PACS2: variants seen among roughly 807,000 people sequenced by gnomAD.
The protein encoded by PACS2 is PACS1-like protein.
In PACS2, 36 loss-of-function variants were observed where a neutral mutation model predicts 113.0. The ratio of observed to expected loss-of-function variants is 0.32; its 90% CI spans 0.24 to 0.42. The LOEUF (loss-of-function observed/expected upper bound fraction) is 0.42. Ranked by LOEUF, PACS2 falls within the 10% of genes least tolerant of loss-of-function variation. The pLI, the probability that PACS2 is intolerant of heterozygous loss-of-function variation, is 1.00. For synonymous variants in PACS2, 589 were observed against 536.1 expected (o/e 1.10, Z -1.36); for missense variants, 1,015 against 1,239.5 (o/e 0.82, Z 2.72).
chr14:105,353,511 G>T (rs2060316078), intron 3 of PACS2, among the ~76,000 whole-genome samples: 1 of 152,144 alleles, frequency 6.6e-6, no homozygotes, highest in Non-Finnish European at 1.5e-5. Context: ...CGTTACTGCA[G>T]ATCTTCTGTT....
intron 9 of PACS2, among the ~76,000 whole-genome samples, chr14:105,377,261 C>A (rs1404035302): frequency 6.6e-6 from 1 of 152,122 alleles, no homozygotes; most frequent in Non-Finnish European, 1.5e-5. Flanking sequence ...GCCCTGGGAA[C>A]TGCAGGGGAC....
chr14:105,316,550 T>G (rs2058644401), intron 1 of PACS2, among the ~76,000 whole-genome samples: 1 of 152,192 alleles, frequency 6.6e-6, no homozygotes, highest in African/African-American at 2.4e-5. Flanking sequence ...CTGCAGCAGC[T>G]TCCTGGGGCC....
chr14:105,304,782 ATGG>A (rs1566882860), intron 1 of PACS2, among the ~76,000 whole-genome samples: 1 of 152,272 alleles, frequency 6.6e-6, no homozygotes, highest in African/African-American at 2.4e-5. Flanking sequence ...TCTTACGTGG[ATGG>A]CAGCAGGGAG....
At position 105,392,645 on chromosome 14, in the gene PACS2, G is replaced by C. The variant is rs2081398841; in HGVS notation, c.2282G>C (p.Gly761Ala). 1 of 1,611,210 alleles carries C rather than the reference G, an allele frequency of 6.2e-7. No homozygotes were observed. The highest frequency in any genetic ancestry group is 8.5e-7 in the Non-Finnish European group (1 of 1,179,268). ...CAGGGTGTCGGCGCCGAGCTGATGGGGCTGCAGGTGGACTACTGGACGGCA... is the reference window on the plus strand; with the variant it reads ...CAGGGTGTCGGCGCCGAGCTGATGGCGCTGCAGGTGGACTACTGGACGGCA... ...PSQGVGAELM[G>A]LQVDYWTAAQ... Residue 761 changes from glycine to alanine, a missense_variant, in exon 23 of 25, where the codon GGG becomes GCG. Around this residue, in one of 3 missense-constraint regions of PACS2, gnomAD observed 859 missense variants for 1,056.8 expected, o/e 0.81. Coordinates refer to ENST00000447393, the MANE Select transcript of PACS2 (RefSeq NM_001100913.3).
In PACS2 at chr14:105,354,660, C is replaced by T. The variant is rs758738136; in HGVS notation, c.298-392C>T. On this transcript the variant is annotated intron_variant, in intron 3 of 24. Transcript: ENST00000447393. The surrounding 1 kb of genome is among the most constrained non-coding windows in gnomAD (Gnocchi z 4.2). ...AGCCCTCCCCGCCCTGTGTGCCCCT[C>T]GCGGAAAAGCGTCCTGGGTCCCACC... 3.9e-5 allele frequency among the ~76,000 whole-genome samples: 6 copies of T among 152,178 alleles called. No individual in the cohort carries two copies. The highest frequency in any genetic ancestry group is 3.2e-3 in the Middle Eastern group (1 of 316).
chr14:105,374,876 C>T (rs955299464), intron 8 of PACS2: 5 of 152,196 alleles, frequency 3.3e-5, no homozygotes, highest in South Asian at 2.1e-4. Context: ...ATAAGCAGCT[C>T]GTGGACCTGC....
chr14:105,375,875 C>A (rs1013393495), intron 8 of PACS2, among the ~76,000 whole-genome samples: 6 of 152,204 alleles, frequency 3.9e-5, no homozygotes, highest in African/African-American at 1.4e-4. Flanking sequence ...ATCTGTTAGA[C>A]TGGGGTCCAC....
chr14:105,351,568 A>G (rs1382074740), intron 2 of PACS2, among the ~76,000 whole-genome samples: 1 of 152,244 alleles, frequency 6.6e-6, no homozygotes, highest in Non-Finnish European at 1.5e-5. Context: ...GGCCAGGTGC[A>G]GTGGCTCATG....
Position 105,398,093 on chromosome 14 carries a change from CGT to C in PACS2, c.*3425_*3426del, listed in dbSNP as rs2081576064. On this transcript the variant is annotated 3_prime_UTR_variant, in exon 25 of 25. Transcript: ENST00000447393. ...CGGATTCTAATGTCACGTATGTGAC[CGT>C]GTGGACTATTTCAAGGTGCTGATGC... 1 of 152,188 alleles carries C rather than the reference CGT, an allele frequency of 6.6e-6. No individual in the cohort carries two copies. The highest frequency in any genetic ancestry group is 1.9e-4 in the East Asian group (1 of 5,200). 9.4% of individuals were successfully genotyped at this position (152,188 alleles called of 1,614,324 possible).
chr14:105,351,036 G>T (rs1029664306), intron 2 of PACS2, among the ~76,000 whole-genome samples: 32 of 152,180 alleles, frequency 2.1e-4, no homozygotes, highest in Non-Finnish European at 4.4e-5. Flanking sequence ...AGGCCCCGCT[G>T]CTCCCACCCG....
intron 1 of PACS2, among the ~76,000 whole-genome samples, chr14:105,327,978 C>G (rs1196457170): frequency 6.6e-6 from 1 of 152,232 alleles, no homozygotes; most frequent in Non-Finnish European, 1.5e-5. Context: ...GACAGCCGAG[C>G]CTTGGCTCAC....
At chr14:105,361,699 C>T (rs1433251964) in intron 4 of PACS2, among the ~76,000 whole-genome samples, 6 of 152,108 alleles carry the variant, frequency 3.9e-5, no homozygotes, top group Non-Finnish European at 5.9e-5. Flanking sequence ...CCGGTAATCC[C>T]AGCACTTTGG....
chr14:105,368,175 T>C, intron 6 of PACS2, 28 bp downstream of exon 6: 1 of 1,512,290 alleles, frequency 6.6e-7, no homozygotes, highest in Non-Finnish European at 9.1e-7. Flanking sequence ...CTCCGCGCCC[T>C]CTCCTGGCTC....
At chr14:105,369,742 C>T in intron 7 of PACS2, 99 bp from the exon 8 acceptor site, 1 of 1,019,262 alleles carries the variant, frequency 9.8e-7, no homozygotes, top group Non-Finnish European at 1.5e-6. Flanking sequence ...GCTGCTCTCC[C>T]ACGGCGGGCC....
chr14:105,368,566 C>T (rs782248654), intron 7 of PACS2, 27 bp downstream of exon 7: 4 of 1,576,294 alleles, frequency 2.5e-6, no homozygotes, highest in Middle Eastern at 1.7e-4. Context: ...TCTATGAATG[C>T]TGGGGAAGGC....
chr14:105,331,503 A>G (rs188343630), intron 1 of PACS2, among the ~76,000 whole-genome samples: 235 of 152,270 alleles, frequency 1.5e-3, no homozygotes, highest in Middle Eastern at 3.4e-3. Flanking sequence ...TGCAGCCTCA[A>G]ACTCTGGGGC....
chr14:105,381,141 G>A, intron 12 of PACS2, 42 bp downstream of exon 12: 2 of 1,568,308 alleles, frequency 1.3e-6, no homozygotes, highest in East Asian at 4.5e-5. Flanking sequence ...TGATGCACCT[G>A]TCGGGGGAGG....
chr14:105,329,749 G>T lies in PACS2; in HGVS notation c.119+14712G>T, dbSNP rs1412403847. On this transcript the variant is annotated intron_variant, in intron 1 of 24. Transcript: ENST00000447393. The surrounding 1 kb of genome is among the most constrained non-coding windows in gnomAD (Gnocchi z 6.4). ...CAGGGCTCTAGTGTATCAGCTCCCG[G>T]ACTGCAGGCAGCAGCAAACTCTGCC... 1.3e-5 allele frequency among the ~76,000 whole-genome samples: 2 copies of T among 152,186 alleles called. No individual in the cohort carries two copies. The highest frequency in any genetic ancestry group is 2.9e-5 in the Non-Finnish European group (2 of 68,030).
chr14:105,368,364 G>A lies in PACS2; in HGVS notation c.661-95G>A, dbSNP rs1595718839. On this transcript the variant is annotated intron_variant, in intron 6 of 24. Transcript: ENST00000447393. ...CTTGGGACACAGGTGGGCTCTCAGTGCCGGGCCTCTCCCATCGCCCACGCT... is the reference window on the plus strand; with the variant it reads ...CTTGGGACACAGGTGGGCTCTCAGTACCGGGCCTCTCCCATCGCCCACGCT... 6 of 998,850 alleles carry A rather than the reference G, an allele frequency of 6.0e-6. No individual in the cohort carries two copies. The East Asian group carries it at 1.4e-4, about 24-fold the overall frequency. 61.9% of individuals were successfully genotyped at this position (998,850 alleles called of 1,614,324 possible).
Sources: allele counts gnomAD v4.1 joint callset (sites outside exome capture counted in the v4.1 genomes callset), GRCh38; gene constraint gnomAD v4.1.1; regional missense constraint gnomAD v4.1.1; non-coding constraint Gnocchi (gnomAD v3.1); transcripts MANE v1.5; gene names NCBI Gene and HGNC (gene_info 2026-07-23, HGNC 2026-07-21).